ORC3: variants seen among roughly 807,000 people sequenced by gnomAD.
ORC3 encodes origin recognition complex subunit 3, also known as homolog of latheo, Drosophila.
In ORC3, 78 loss-of-function variants were observed where a neutral mutation model predicts 100.7. The ratio of observed to expected loss-of-function variants is 0.77; its 90% CI spans 0.65 to 0.94. The LOEUF (loss-of-function observed/expected upper bound fraction) is 0.94, where lower values mean the gene tolerates loss of function less well. Ranked by LOEUF, ORC3 falls within the 40% of genes least tolerant of loss-of-function variation. ORC3 has a pLI of 0.00. For synonymous variants in ORC3, 295 were observed against 289.3 expected (o/e 1.02, Z -0.20); for missense variants, 789 against 823.9 (o/e 0.96, Z 0.52).
chr6:87,639,813 C>T (rs1283289897), intron 13 of ORC3, among the ~76,000 whole-genome samples: 2 of 134,080 alleles, frequency 1.5e-5, no homozygotes, highest in African/African-American at 2.9e-5. Context: ...AACCCCCTCT[C>T]TGCCAAAAAT....
chr6:87,612,393 CT>C lies in ORC3; in HGVS notation c.873+147del, dbSNP rs771390386. 485 of 475,226 alleles carry C rather than the reference CT, an allele frequency of 1.0e-3. 2 individuals carry two copies. Among genetic ancestry groups the C allele is most frequent in the Non-Finnish European group, 1.4e-3 (393 of 283,340 alleles). The allele number at this position is 475,226 out of a possible 1,614,324, so 29.4% of individuals were successfully genotyped here. A position where few individuals can be genotyped will look rare whatever the true frequency, so the allele number is the denominator to read the frequency against. On this transcript the variant is annotated intron_variant, in intron 8 of 19. Coordinates refer to ENST00000392844, the MANE Select transcript of ORC3 (RefSeq NM_012381.4). Reference sequence around the variant, plus strand: ...TCCTTCACATACTTTAATATTTTTACTTAATAATTTTTGTAGTGTTTTATAG... The same window carrying C: ...TCCTTCACATACTTTAATATTTTTACTAATAATTTTTGTAGTGTTTTATAG...
At chr6:87,608,257 T>G (rs1268929857) in intron 6 of ORC3, among the ~76,000 whole-genome samples, 1 of 152,208 alleles carries the variant, frequency 6.6e-6, no homozygotes, top group African/African-American at 2.4e-5. Flanking sequence ...TTTTCTAAAG[T>G]CTAATTTGTT....
At chr6:87,677,187 T>C in the ORC3 span, among the ~76,000 whole-genome samples, 3 of 151,936 alleles carry the variant, frequency 2.0e-5, no homozygotes, top group Non-Finnish European at 2.9e-5. Context: ...GCAATGAGAA[T>C]AGGATAACAA....
At chr6:87,675,836 TA>T in the ORC3 span, 1 of 1,602,024 alleles carries the variant, frequency 6.2e-7, no homozygotes, top group Non-Finnish European at 8.5e-7. Context: ...TTTCAGTTTA[TA>T]ACTTCAAAGG....
chr6:87,642,734 C>T (rs1276702462), intron 13 of ORC3, among the ~76,000 whole-genome samples: 3 of 151,294 alleles, frequency 2.0e-5, no homozygotes, highest in Non-Finnish European at 4.4e-5. Context: ...AACCCTGTCT[C>T]TACTAAAAAT....
At chr6:87,644,578 A>G (rs1020387795) in intron 13 of ORC3, among the ~76,000 whole-genome samples, 53 of 152,188 alleles carry the variant, frequency 3.5e-4, no homozygotes, top group Admixed American at 7.2e-4. Context: ...GCACACGCCT[A>G]TAGTCCCAGC....
intron 11 of ORC3, among the ~76,000 whole-genome samples, chr6:87,630,950 A>T (rs1462029412): frequency 6.6e-6 from 1 of 151,896 alleles, no homozygotes; most frequent in Admixed American, 6.6e-5. Context: ...AGCTTGCTGC[A>T]GCCTTGACTT....
intron 13 of ORC3, among the ~76,000 whole-genome samples, chr6:87,650,005 G>A (rs1163309105): frequency 6.7e-6 from 1 of 149,962 alleles, no homozygotes; most frequent in Admixed American, 6.7e-5. Flanking sequence ...TACATTATAT[G>A]GATATGTATA....
At chr6:87,636,857 G>A (rs1333713699) in intron 13 of ORC3, among the ~76,000 whole-genome samples, 1 of 152,216 alleles carries the variant, frequency 6.6e-6, no homozygotes, top group Non-Finnish European at 1.5e-5. Context: ...CAACCTGGTT[G>A]AATGCAGGAA....
intron 2 of ORC3, among the ~76,000 whole-genome samples, chr6:87,600,183 C>T (rs997546159): frequency 1.3e-5 from 2 of 152,116 alleles, no homozygotes; most frequent in African/African-American, 4.8e-5. Context: ...ATATTCCAAA[C>T]TATCAGTTAA....
At chr6:87,634,275 G>C (rs1267602364) in intron 11 of ORC3, among the ~76,000 whole-genome samples, 1 of 151,790 alleles carries the variant, frequency 6.6e-6, no homozygotes, top group East Asian at 1.9e-4. Context: ...AATAAAACCA[G>C]TATTGGAGAT....
In ORC3 at chr6:87,599,866, G is replaced by A. The variant is rs187140568; in HGVS notation, c.80-1918G>A. On this transcript the variant is annotated intron_variant, in intron 2 of 19. Coordinates refer to ENST00000392844, the MANE Select transcript of ORC3 (RefSeq NM_012381.4). ...CGGGCGCCTGTAGTCCCAGCTACTCGGGAGGCTGAGGCAGGAGAATCACTT... is the reference window on the plus strand; with the variant it reads ...CGGGCGCCTGTAGTCCCAGCTACTCAGGAGGCTGAGGCAGGAGAATCACTT... 1.7e-4 allele frequency among the ~76,000 whole-genome samples: 26 copies of A among 152,188 alleles called. No individual in the cohort carries two copies. In the East Asian group the frequency reaches 2.5e-3, roughly 15 times the overall value.
At chr6:87,612,306 ATTG>A in intron 8 of ORC3, 58 bp downstream of exon 8, 2 of 1,203,646 alleles carry the variant, frequency 1.7e-6, no homozygotes, top group East Asian at 2.4e-5. Flanking sequence ...CCAATAATAG[ATTG>A]TTAAGATAAC....
At chr6:87,676,531 C>T in the ORC3 span, among the ~76,000 whole-genome samples, 6 of 148,538 alleles carry the variant, frequency 4.0e-5, no homozygotes, top group Non-Finnish European at 5.9e-5. Flanking sequence ...CCGAGGCGGG[C>T]ACATCATGAG....
At chr6:87,666,869 A>C (rs1327049735) in intron 19 of ORC3, 149 bp from the exon 20 acceptor site, 1 of 559,444 alleles carries the variant, frequency 1.8e-6, no homozygotes, top group Non-Finnish European at 3.2e-6. Context: ...GATTCTAATT[A>C]ATGTTTTCCA....
At chr6:87,642,001 A>C (rs1263522986) in intron 13 of ORC3, among the ~76,000 whole-genome samples, 1 of 152,210 alleles carries the variant, frequency 6.6e-6, no homozygotes, top group Non-Finnish European at 1.5e-5. Context: ...CTGCATCATT[A>C]AAATATAATT....
At chr6:87,627,686 A>G (rs1015254249) in intron 11 of ORC3, among the ~76,000 whole-genome samples, 1 of 152,068 alleles carries the variant, frequency 6.6e-6, no homozygotes, top group Non-Finnish European at 1.5e-5. Flanking sequence ...TAATACTCTT[A>G]TGTTATATAG....
intron 2 of ORC3, among the ~76,000 whole-genome samples, chr6:87,599,005 C>A (rs927562491): frequency 3.9e-5 from 6 of 152,220 alleles, no homozygotes; most frequent in African/African-American, 1.4e-4. Context: ...AGCACTGGCA[C>A]TGTAGGAGAT....
chr6:87,651,353 A>G, intron 13 of ORC3: 2 of 454,526 alleles, frequency 4.4e-6, no homozygotes, highest in South Asian at 3.1e-5. Flanking sequence ...TTCCTTGGAC[A>G]CCAGAAATGC....
Sources: allele counts gnomAD v4.1 joint callset (sites outside exome capture counted in the v4.1 genomes callset), GRCh38; gene constraint gnomAD v4.1.1; transcripts MANE v1.5; gene names NCBI Gene and HGNC (gene_info 2026-07-23, HGNC 2026-07-21).